Variants in CNTNAP5 observed in about 807,000 individuals in gnomAD.
CNTNAP5 encodes the protein contactin-associated protein-like 5.
In CNTNAP5, 72 loss-of-function variants were observed where a neutral mutation model predicts 150.2. The ratio of observed to expected loss-of-function variants is 0.48; its 90% CI spans 0.40 to 0.58. The LOEUF is 0.58. CNTNAP5 is among the 20% of genes least tolerant of loss of function. CNTNAP5 has a pLI of 0.00. For missense variants in CNTNAP5, 1,636 were observed against 1,626.2 expected, an observed-to-expected ratio of 1.01 and a Z score of -0.10; for synonymous variants, 672 against 619.8, an observed-to-expected ratio of 1.08 and a Z score of -1.25.
chr2:124,671,828 CAG>C (rs1401066756), intron 13 of CNTNAP5, among the ~76,000 whole-genome samples: 1 of 152,010 alleles, frequency 6.6e-6, no homozygotes, highest in Admixed American at 6.6e-5. Flanking sequence ...TTAGTAGAGA[CAG>C]AGTTTCATTA....
chr2:124,174,110 G>GAAAAA (rs3063417), intron 1 of CNTNAP5, among the ~76,000 whole-genome samples: 15,766 of 142,548 alleles, frequency 0.11, 1,041 homozygotes, highest in East Asian at 0.33. Context: ...TACTGCTCAG[G>GAAAAA]AAAAAAAAAA....
chr2:124,800,219 T>C (rs967137579), intron 19 of CNTNAP5, among the ~76,000 whole-genome samples: 1 of 152,178 alleles, frequency 6.6e-6, no homozygotes, highest in African/African-American at 2.4e-5. Flanking sequence ...AGTAAGATGG[T>C]TGGTTACAAC....
At chr2:124,216,802 G>C (rs1686168324) in intron 1 of CNTNAP5, among the ~76,000 whole-genome samples, 1 of 152,160 alleles carries the variant, frequency 6.6e-6, no homozygotes, top group African/African-American at 2.4e-5. Context: ...ATGGACATTT[G>C]AGTTGGTTCC....
rs967909780 is a variant in CNTNAP5, at chr2:124,917,422, T to C, written c.*3134T>C. 1.2e-4 allele frequency among the ~76,000 whole-genome samples: 18 copies of C among 152,138 alleles called. No homozygotes were observed. Among genetic ancestry groups the C allele is most frequent in the African/African-American group, 4.1e-4 (17 of 41,456 alleles). ...TCATTTATTGCATATATAGCCTCAA[T>C]TGCCATCTTTATGAAAATTTGTCTG... On this transcript the variant is annotated 3_prime_UTR_variant, in exon 24 of 24. Coordinates refer to ENST00000682447, the MANE Select transcript of CNTNAP5 (RefSeq NM_001367498.1).
At chr2:124,860,202 T>A (rs1677483551) in intron 19 of CNTNAP5, among the ~76,000 whole-genome samples, 1 of 151,450 alleles carries the variant, frequency 6.6e-6, no homozygotes, top group Admixed American at 6.6e-5. Flanking sequence ...TACAAAAAAA[T>A]AGCCGTGCAT....
chr2:124,118,155 A>G (rs1050806296), intron 1 of CNTNAP5, among the ~76,000 whole-genome samples: 3 of 152,154 alleles, frequency 2.0e-5, no homozygotes, highest in Non-Finnish European at 2.9e-5. Context: ...ATGATCATGC[A>G]ACAGATACTT....
chr2:124,807,788 A>G (rs778450485), intron 19 of CNTNAP5, among the ~76,000 whole-genome samples: 3 of 152,136 alleles, frequency 2.0e-5, no homozygotes, highest in Non-Finnish European at 4.4e-5. Flanking sequence ...GGAATGCCAC[A>G]TTTACTTCCT....
chr2:124,506,898 CAT>C (rs1434204137), intron 8 of CNTNAP5, among the ~76,000 whole-genome samples: 1 of 152,174 alleles, frequency 6.6e-6, no homozygotes, highest in African/African-American at 2.4e-5. Context: ...CGCACTCACT[CAT>C]GTGCTCAGGA....
chr2:124,885,229 G>C (rs1347164054), intron 21 of CNTNAP5, among the ~76,000 whole-genome samples: 4 of 151,788 alleles, frequency 2.6e-5, no homozygotes, highest in African/African-American at 9.7e-5. Flanking sequence ...CTGCTCATAA[G>C]GTCTTGCAAT....
chr2:124,745,140 A>G (rs1202142413), intron 13 of CNTNAP5, among the ~76,000 whole-genome samples: 1 of 151,494 alleles, frequency 6.6e-6, no homozygotes, highest in Non-Finnish European at 1.5e-5. Context: ...AAAAACACCA[A>G]ATAAGAATTG....
intron 11 of CNTNAP5, among the ~76,000 whole-genome samples, chr2:124,602,237 G>T (rs1301139413): frequency 6.6e-6 from 1 of 150,916 alleles, no homozygotes; most frequent in African/African-American, 2.4e-5. Flanking sequence ...AGCTACTCGG[G>T]AGGCTGAGGC....
intron 1 of CNTNAP5, among the ~76,000 whole-genome samples, chr2:124,147,982 T>C (rs746399969): frequency 6.6e-6 from 1 of 152,200 alleles, no homozygotes; most frequent in Non-Finnish European, 1.5e-5. Context: ...GGAGGTTTAA[T>C]AAATCTGTGC....
At chr2:124,418,603 T>A (rs1341829913) in intron 4 of CNTNAP5, among the ~76,000 whole-genome samples, 1 of 152,168 alleles carries the variant, frequency 6.6e-6, no homozygotes, top group Admixed American at 6.5e-5. Flanking sequence ...CACAGGGAAT[T>A]TACTGGTAAA....
At chr2:124,707,140 GGAAGAAGAAGAAGAA>G (rs76714465) in intron 13 of CNTNAP5, among the ~76,000 whole-genome samples, 4,733 of 86,330 alleles carry the variant, frequency 0.055, 322 homozygotes, top group East Asian at 0.16. Context: ...AAGAAGAAGA[GGAAGAAGAAGAAGAA>G]GAAGAAGAAG....
chr2:124,519,059 T>A (rs935643687), intron 8 of CNTNAP5, among the ~76,000 whole-genome samples: 3 of 148,518 alleles, frequency 2.0e-5, no homozygotes, highest in Admixed American at 1.3e-4. Context: ...AAAAACATTA[T>A]GCTAAGGAAA....
chr2:124,620,322 G>A (rs975868733), intron 12 of CNTNAP5, among the ~76,000 whole-genome samples: 2 of 152,056 alleles, frequency 1.3e-5, no homozygotes, highest in African/African-American at 2.4e-5. Flanking sequence ...AGTTTGGGAT[G>A]TTGGAAACAG....
At chr2:124,454,901 A>G (rs924698347) in intron 6 of CNTNAP5, among the ~76,000 whole-genome samples, 6 of 152,150 alleles carry the variant, frequency 3.9e-5, no homozygotes, top group Non-Finnish European at 8.8e-5. Context: ...AAGCAGGGCT[A>G]AGAGGAAAGT....
intron 3 of CNTNAP5, among the ~76,000 whole-genome samples, chr2:124,375,746 A>G (rs531449335): frequency 6.6e-6 from 1 of 152,234 alleles, no homozygotes; most frequent in South Asian, 2.1e-4. Flanking sequence ...CTCTCTGTAC[A>G]GTTTTTGCAG....
intron 3 of CNTNAP5, among the ~76,000 whole-genome samples, chr2:124,414,823 A>C (rs977095827): frequency 6.6e-6 from 1 of 152,010 alleles, no homozygotes; most frequent in Non-Finnish European, 1.5e-5. Context: ...GCACATTTGG[A>C]TTAGATAAAT....
Sources: allele counts gnomAD v4.1 joint callset (sites outside exome capture counted in the v4.1 genomes callset), GRCh38; gene constraint gnomAD v4.1.1; transcripts MANE v1.5; gene names NCBI Gene and HGNC (gene_info 2026-07-23, HGNC 2026-07-21).